The following RETSAT variants were observed in gnomAD, a reference collection of about 807,000 sequenced individuals.
The protein encoded by RETSAT is all-trans-retinol 13,14-reductase.
Under a neutral mutation model 61.6 loss-of-function variants are expected in RETSAT, and 35 were observed. That is an observed-to-expected ratio of 0.57 (90% CI 0.43 to 0.75). The LOEUF is 0.75. Ranked by LOEUF, RETSAT falls within the 30% of genes least tolerant of loss-of-function variation. The pLI is 0.00. For missense variants in RETSAT, 670 were observed against 759.5 expected (o/e 0.88, Z 1.38); for synonymous variants, 277 against 310.4 (o/e 0.89, Z 1.13).
intron 9 of RETSAT, 79 bp from the exon 10 acceptor site, chr2:85,343,877 C>A (rs1457177682): frequency 8.1e-5 from 128 of 1,586,774 alleles, no homozygotes; most frequent in Non-Finnish European, 1.1e-4. Flanking sequence ...TCACTGACTG[C>A]AGGGATGGGT....
Position 85,349,449 on chromosome 2 carries a change from C to T in RETSAT, c.932G>A (p.Gly311Glu), listed in dbSNP as rs753129634. The T allele has an allele frequency of 7.4e-6, 12 of 1,614,074 alleles. No individual in the cohort carries two copies. In the East Asian group the frequency reaches 2.7e-4, roughly 36 times the overall value. ...AGTGGCCTTTGTGAGGACAGCGCCC[C>T]CAGCCCGCTGAATCACAGGGATGGT... is the stretch of plus-strand genomic sequence containing the variant. Reference protein sequence around the residue: ...FHTIPVIQRAGGAVLTKATVQ... With the variant: ...FHTIPVIQRAEGAVLTKATVQ... Residue 311 changes from glycine to glutamate, a missense_variant, in exon 5 of 11, where the codon GGG (glycine) becomes GAG (glutamate). Transcript: ENST00000295802.
At chr2:85,350,337 C>T in intron 3 of RETSAT, 96 bp from the exon 4 acceptor site, 1 of 880,128 alleles carries the variant, frequency 1.1e-6, no homozygotes, top group Non-Finnish European at 1.9e-6. Context: ...AATCCAGCAA[C>T]ACTTACCCCT....
Position 85,354,525 on chromosome 2 carries a change from G to C in RETSAT, c.-18C>G, listed in dbSNP as rs762176546. On this transcript the variant is annotated 5_prime_UTR_variant, in exon 1 of 11. Coordinates refer to ENST00000295802, the MANE Select transcript of RETSAT (RefSeq NM_017750.4). Reference sequence around the variant, plus strand: ...AGCCACATCACGCCGGCGTCGGGTCGGGTAAATGGGACAGCTCCGACTGCG... The same window carrying C: ...AGCCACATCACGCCGGCGTCGGGTCCGGTAAATGGGACAGCTCCGACTGCG... 1.3e-6 allele frequency: 2 copies of C among 1,595,048 alleles called. No individual in the cohort carries two copies. Among genetic ancestry groups the C allele is most frequent in the Non-Finnish European group, 1.7e-6 (2 of 1,170,884 alleles).
intron 7 of RETSAT, 43 bp downstream of exon 7, chr2:85,344,551 G>A: frequency 6.2e-7 from 1 of 1,605,434 alleles, no homozygotes; most frequent in Non-Finnish European, 8.5e-7. Flanking sequence ...GAGTCAAGCA[G>A]GGAGGCACGG....
chr2:85,346,803 G>C (rs770362432), intron 5 of RETSAT, among the ~76,000 whole-genome samples: 1 of 152,088 alleles, frequency 6.6e-6, no homozygotes, highest in Non-Finnish European at 1.5e-5. Context: ...ATAAAACCCT[G>C]CAATGATGCC....
rs776541399 is a variant in RETSAT at position 85,343,793 on chromosome 2, C to T, written c.1539G>A (p.Glu513=). The change falls in exon 10 of 11, where the codon GAG becomes GAA. Residue 513 remains glutamate, a synonymous_variant. Coordinates refer to ENST00000295802, the MANE Select transcript of RETSAT (RefSeq NM_017750.4). The stretch of plus-strand genomic sequence containing the variant: ...TGAGTGGGGATCCTGCAGTCACACT[C>T]TCCACCTGAGGGCAGAAAGGGTGGG... The part of the protein sequence containing the change: ...KLFPQLEGKV[E]SVTAGSPLTN... The T allele has an allele frequency of 1.2e-6, 2 of 1,613,778 alleles. No homozygotes were observed. The highest frequency in any genetic ancestry group is 4.5e-5 in the East Asian group (2 of 44,892).
In RETSAT at chr2:85,343,662, G is replaced by C. The variant is rs750052324; in HGVS notation, c.1670C>G (p.Pro557Arg). Reference protein sequence around the residue: ...CVMASLRAQSPIPNLYLTGQD... With the variant: ...CVMASLRAQSRIPNLYLTGQD... ...ACCTGTCAGATAGAGGTTGGGGATG[G>C]GGCTCTGGGCCCTCAAGGAGGCCAT... The change falls in exon 10 of 11, where the codon CCC becomes CGC. Residue 557 changes from proline (P) to arginine (R), a missense_variant. Pro to Arg is a moderately radical substitution (Grantham distance 103, BLOSUM62 -2). Transcript: ENST00000295802. The C allele has an allele frequency of 4.6e-5, 75 of 1,613,902 alleles. No homozygotes were observed. Among genetic ancestry groups the C allele is most frequent in the Non-Finnish European group, 8.5e-7 (1 of 1,179,984 alleles).
chr2:85,349,070 T>C (rs566293946), intron 5 of RETSAT, among the ~76,000 whole-genome samples: 1 of 146,640 alleles, frequency 6.8e-6, no homozygotes, highest in African/African-American at 2.7e-5. Context: ...TTTTTTTTTT[T>C]AAAGAGACAG....
rs1683100296 is a variant in RETSAT at position 85,342,134 on chromosome 2, T to A, written c.*1108A>T. ...AATCAATAAATTTATTAATGTTACA[T>A]TAACACGAACTACAAAGAGACCTTT... is the stretch of plus-strand genomic sequence containing the variant. On this transcript the variant is annotated 3_prime_UTR_variant, in exon 11 of 11. Coordinates refer to ENST00000295802, the MANE Select transcript of RETSAT (RefSeq NM_017750.4). The A allele has an allele frequency of 3.6e-6, 1 of 281,482 alleles. No individual in the cohort carries two copies. Among genetic ancestry groups the A allele is most frequent in the African/African-American group, 2.2e-5 (1 of 45,130 alleles). The allele number at this position is 281,482 out of a possible 1,614,324, so 17.4% of individuals were successfully genotyped here.
At position 85,343,651 on chromosome 2, in the gene RETSAT, G is replaced by C. The variant is rs753773026; in HGVS notation, c.1681C>G (p.Leu561Val). The change falls in exon 10 of 11, where the codon CTC (leucine) becomes GTC (valine). Residue 561 changes from leucine to valine, a missense_variant. Leu to Val is a conservative substitution (Grantham distance 32, BLOSUM62 1). Coordinates refer to ENST00000295802, the MANE Select transcript of RETSAT (RefSeq NM_017750.4). ...GCAGTGAGTATACCTGTCAGATAGA[G>C]GTTGGGGATGGGGCTCTGGGCCCTC... ...SLRAQSPIPN[L>V]YLTGQDIFTC... 1.2e-6 allele frequency: 2 copies of C among 1,614,090 alleles called. No individual in the cohort carries two copies. Among genetic ancestry groups the C allele is most frequent in the Admixed American group, 3.3e-5 (2 of 60,026 alleles).
At chr2:85,349,618 A>T in intron 4 of RETSAT, 37 bp from the exon 5 acceptor site, 4 of 1,554,784 alleles carry the variant, frequency 2.6e-6, no homozygotes, top group Non-Finnish European at 3.6e-6. Flanking sequence ...CTGGCAAGAG[A>T]AGGCACCAGC....
At chr2:85,348,125 C>A (rs1243285965) in intron 5 of RETSAT, among the ~76,000 whole-genome samples, 1 of 152,100 alleles carries the variant, frequency 6.6e-6, no homozygotes, top group Admixed American at 6.6e-5. Context: ...GATTCTGAGT[C>A]CCTATGCGGG....
Position 85,349,570 on chromosome 2 carries a change from T to C in RETSAT, c.811A>G (p.Asn271Asp). The change falls in exon 5 of 11, where the codon AAC becomes GAC. Residue 271 changes from asparagine to aspartate, a missense_variant. By Grantham distance (23) the Asn-to-Asp change is conservative. Coordinates refer to ENST00000295802, the MANE Select transcript of RETSAT (RefSeq NM_017750.4). The stretch of plus-strand genomic sequence containing the variant: ...GCGTGCATGGAAAAGGCACTGTGGT[T>C]GGGGGTGACACCTGCAGAAGCAAGG... ...YIFPTYGVTP[N>D]HSAFSMHALL... 1 of 1,614,048 alleles carries C rather than the reference T, an allele frequency of 6.2e-7. No individual in the cohort carries two copies. Among genetic ancestry groups the C allele is most frequent in the Non-Finnish European group, 8.5e-7 (1 of 1,179,964 alleles).
intron 10 of RETSAT, 76 bp downstream of exon 10, chr2:85,343,563 G>C (rs1334588592): frequency 3.2e-6 from 5 of 1,581,026 alleles, no homozygotes; most frequent in Admixed American, 1.7e-5. Context: ...AGCAGGGCCT[G>C]AGGGCAGGAA....
In RETSAT at chr2:85,343,268, T is replaced by C; in HGVS notation, c.1807A>G (p.Ile603Val). ...YSDLKNLDSR[I>V]RAQKKKN ...TAATTCTTTTTCTTCTGTGCCCGGA[T>C]CCTAGAATCAAGATTCTTAAGGTCT... The change falls in exon 11 of 11, where the codon ATC (isoleucine) becomes GTC (valine). Residue 603 changes from isoleucine to valine, a missense_variant. Coordinates refer to ENST00000295802, the MANE Select transcript of RETSAT (RefSeq NM_017750.4). 2 of 1,614,278 alleles carry C rather than the reference T, an allele frequency of 1.2e-6. No individual in the cohort carries two copies. Among genetic ancestry groups the C allele is most frequent in the Non-Finnish European group, 1.7e-6 (2 of 1,180,034 alleles).
rs1683263719 is a variant in RETSAT, at chr2:85,349,509, T to TA, written c.871dup (p.Tyr291LeufsTer8). 3.7e-6 allele frequency: 6 copies of TA among 1,613,988 alleles called. No individual in the cohort carries two copies. The highest frequency in any genetic ancestry group is 1.7e-5 in the Admixed American group (1 of 59,998). ...AATTTCACTGGAACCCCCTCGGGGA[T>TA]AAAAGCCTCCTTTCATGTAGTGGTT... is the stretch of plus-strand genomic sequence containing the variant. On this transcript the variant is annotated frameshift_variant, in exon 5 of 11. Transcript: ENST00000295802. LOFTEE classifies it high-confidence loss of function.
At chr2:85,353,853 A>G (rs1683366774) in intron 1 of RETSAT, among the ~76,000 whole-genome samples, 2 of 152,202 alleles carry the variant, frequency 1.3e-5, no homozygotes, top group Admixed American at 1.3e-4. Flanking sequence ...ACCTCTGCCA[A>G]TGTTTCAGAA....
chr2:85,344,759 T>G, intron 6 of RETSAT, 27 bp from the exon 7 acceptor site: 1 of 1,610,972 alleles, frequency 6.2e-7, no homozygotes, highest in Non-Finnish European at 8.5e-7. Flanking sequence ...TTGGTGCCTG[T>G]GTGGACCATG....
At chr2:85,349,248 T>C (rs1383575933) in intron 5 of RETSAT, 136 bp downstream of exon 5, 15 of 770,842 alleles carry the variant, frequency 1.9e-5, no homozygotes, top group African/African-American at 1.4e-4. Flanking sequence ...CCCTGGACCC[T>C]GCTCTGGGGC....
Sources: allele counts gnomAD v4.1 joint callset (sites outside exome capture counted in the v4.1 genomes callset), GRCh38; gene constraint gnomAD v4.1.1; transcripts MANE v1.5; gene names NCBI Gene and HGNC (gene_info 2026-07-23, HGNC 2026-07-21).